The following SKI variants were observed in gnomAD, a reference collection of about 807,000 sequenced individuals.
SKI encodes ski oncogene.
SKI carries 23 observed loss-of-function variants against 59.3 expected under a neutral mutation model. The ratio of observed to expected loss-of-function variants is 0.39; its 90% CI spans 0.28 to 0.55. The LOEUF is 0.55. SKI is among the 20% of genes least tolerant of loss of function. The pLI, the probability that SKI is intolerant of heterozygous loss-of-function variation, is 0.67. For missense variants in SKI, 1,017 were observed against 1,038.9 expected (o/e 0.98, Z 0.29); for synonymous variants, 673 against 488.6 (o/e 1.38, Z -4.98).
At chr1:2,305,439 C>T (rs1315152342) in intron 5 of SKI, among the ~76,000 whole-genome samples, 6 of 152,064 alleles carry the variant, frequency 3.9e-5, no homozygotes, top group South Asian at 2.1e-4. Context: ...TGCCCTCCTG[C>T]GCGTGCCAGT....
At chr1:2,291,837 G>C (rs1319906388) in intron 1 of SKI, among the ~76,000 whole-genome samples, 1 of 152,218 alleles carries the variant, frequency 6.6e-6, no homozygotes, top group Non-Finnish European at 1.5e-5. Context: ...CAGCAAAGAT[G>C]ACCTACTTAA....
At chr1:2,234,268 G>T (rs1419498082) in intron 1 of SKI, among the ~76,000 whole-genome samples, 1 of 152,170 alleles carries the variant, frequency 6.6e-6, no homozygotes, top group Non-Finnish European at 1.5e-5. Flanking sequence ...GCCCCCAGGT[G>T]GCTTCTGCAG....
intron 1 of SKI, among the ~76,000 whole-genome samples, chr1:2,296,368 C>T (rs1640284643): frequency 6.6e-6 from 1 of 152,172 alleles, no homozygotes; most frequent in African/African-American, 2.4e-5. Context: ...TACACTCCAG[C>T]CTGGGTGACA....
intron 1 of SKI, among the ~76,000 whole-genome samples, chr1:2,275,462 G>A (rs925780913): frequency 1.3e-5 from 2 of 152,190 alleles, no homozygotes; most frequent in Non-Finnish European, 2.9e-5. Flanking sequence ...CTGAGACCCC[G>A]AGCCCTGGGG....
chr1:2,303,999 G>A lies in SKI; in HGVS notation c.1371G>A (p.Leu457=). 1 of 1,612,596 alleles carries A rather than the reference G, an allele frequency of 6.2e-7. No individual in the cohort carries two copies. The highest frequency in any genetic ancestry group is 8.5e-7 in the Non-Finnish European group (1 of 1,179,876). Residue 457 remains leucine (L), a synonymous_variant, in exon 4 of 7, where the codon CTG becomes CTA. Transcript: ENST00000378536. This position sits in a 1 kb window ranked among gnomAD's most constrained non-coding sequence, Gnocchi z 5.6. ...GCACCCAGCCTCGGAAGCGGAAGCT[G>A]ACTGTGGACACCCCAGGAGCCCCAG... ...ATCTQPRKRK[L]TVDTPGAPET...
In SKI at chr1:2,304,504, C is replaced by G; in HGVS notation, c.1686C>G (p.Phe562Leu). The G allele has an allele frequency of 6.3e-7, 1 of 1,581,908 alleles. No homozygotes were observed. The highest frequency in any genetic ancestry group is 1.2e-5 in the South Asian group (1 of 86,466). The stretch of plus-strand genomic sequence containing the variant: ...ACACCAAGGAAGCCAAAGAGAAGTT[C>G]CTGCATGAGGTGGTCAAGATGCGCG... ...GLDTKEAKEK[F>L]LHEVVKMRVK... Residue 562 changes from phenylalanine to leucine, a missense_variant, in exon 5 of 7, where the codon TTC becomes TTG. Transcript: ENST00000378536.
intron 1 of SKI, among the ~76,000 whole-genome samples, chr1:2,253,362 C>T (rs1370724589): frequency 1.3e-5 from 2 of 152,194 alleles, no homozygotes. Context: ...AGGTGGGAGG[C>T]TCCCCAGACT....
intron 1 of SKI, among the ~76,000 whole-genome samples, chr1:2,297,805 G>T (rs1640321226): frequency 1.3e-5 from 2 of 152,260 alleles, no homozygotes; most frequent in South Asian, 2.1e-4. Flanking sequence ...GGAGGCGTGG[G>T]CCCGCCCGGT....
rs1440416819 is a variant in SKI, at chr1:2,304,483, C to T, written c.1665C>T (p.Thr555=). The change falls in exon 5 of 7, where the codon ACC becomes ACT. Residue 555 remains threonine (T), a synonymous_variant. Coordinates refer to ENST00000378536, the MANE Select transcript of SKI (RefSeq NM_003036.4). ...AGGCACTGGAGGGCGGCCTGGACAC[C>T]AAGGAAGCCAAAGAGAAGTTCCTGC... The part of the protein sequence containing the change: ...LRQALEGGLD[T]KEAKEKFLHE... 6 of 1,577,668 alleles carry T rather than the reference C, an allele frequency of 3.8e-6. No individual in the cohort carries two copies. The highest frequency in any genetic ancestry group is 4.3e-6 in the Non-Finnish European group (5 of 1,163,358).
rs1006301164 is a variant in SKI at position 2,289,685 on chromosome 1, A to G, written c.970-13293A>G. Among the ~76,000 whole-genome samples the G allele has an allele frequency of 2.0e-5, 3 of 151,562 alleles. No individual in the cohort carries two copies. In the East Asian group the frequency reaches 5.9e-4, roughly 30 times the overall value. On this transcript the variant is annotated intron_variant, in intron 1 of 6. Transcript: ENST00000378536. ...GCTGTAGCGGCTCTCCCCTCCCCCG[A>G]GCCCACCGTGTGCTTCTTGTCCAGC...
Position 2,268,080 on chromosome 1 carries a change from A to C in SKI, c.970-34898A>C, listed in dbSNP as rs1376022144. ...GGGCACTCCCAACAGCACTGCGTGG[A>C]GCTGGTGCCCACCCCTGTGGTCAGA... On this transcript the variant is annotated intron_variant, in intron 1 of 6. Transcript: ENST00000378536. The surrounding 1 kb of genome is among the most constrained non-coding windows in gnomAD (Gnocchi z 5.0). Among the ~76,000 whole-genome samples the C allele has an allele frequency of 6.6e-6, 1 of 152,164 alleles. No individual in the cohort carries two copies. Among genetic ancestry groups the C allele is most frequent in the Non-Finnish European group, 1.5e-5 (1 of 68,006 alleles).
At chr1:2,287,292 C>T (rs1454376898) in intron 1 of SKI, among the ~76,000 whole-genome samples, 2 of 151,494 alleles carry the variant, frequency 1.3e-5, no homozygotes, top group Non-Finnish European at 2.9e-5. Context: ...AGAGTGTTGG[C>T]CTTGGACAGG....
At chr1:2,278,361 C>T (rs569781137) in intron 1 of SKI, among the ~76,000 whole-genome samples, 119 of 152,284 alleles carry the variant, frequency 7.8e-4, no homozygotes, top group African/African-American at 2.8e-3. Context: ...TGGGGGAGGA[C>T]GGCAGTCTGT....
intron 1 of SKI, among the ~76,000 whole-genome samples, chr1:2,238,830 T>C (rs1638805335): frequency 1.3e-5 from 2 of 152,198 alleles, no homozygotes; most frequent in Admixed American, 1.3e-4. Context: ...GAGGGAGGTA[T>C]TCCGTGTGCT....
At chr1:2,253,654 C>T (rs1182133353) in intron 1 of SKI, among the ~76,000 whole-genome samples, 2 of 152,206 alleles carry the variant, frequency 1.3e-5, no homozygotes, top group African/African-American at 4.8e-5. Context: ...AGCCACATGC[C>T]CCCAGTTCTG....
chr1:2,272,888 C>T (rs545895511), intron 1 of SKI, among the ~76,000 whole-genome samples: 25 of 152,182 alleles, frequency 1.6e-4, no homozygotes, highest in Non-Finnish European at 3.1e-4. Flanking sequence ...CCCCGAGGCT[C>T]GCTGGCGTCT....
At chr1:2,233,019 A>G (rs1309205015) in intron 1 of SKI, among the ~76,000 whole-genome samples, 1 of 152,156 alleles carries the variant, frequency 6.6e-6, no homozygotes, top group Non-Finnish European at 1.5e-5. Context: ...CAGTATAGAC[A>G]GCTGTCAGAG....
chr1:2,303,247 T>C lies in SKI; in HGVS notation c.1096-38T>C, dbSNP rs1640472214. On this transcript the variant is annotated intron_variant, in intron 2 of 6. Coordinates refer to ENST00000378536, the MANE Select transcript of SKI (RefSeq NM_003036.4). This position sits in a 1 kb window ranked among gnomAD's most constrained non-coding sequence, Gnocchi z 5.6. ...TCAGGGACATGAAGTGGCTTGTTTTTCTCCTGGTCACTCACACAGACAACT... is the reference window on the plus strand; with the variant it reads ...TCAGGGACATGAAGTGGCTTGTTTTCCTCCTGGTCACTCACACAGACAACT... 17 of 1,608,590 alleles carry C rather than the reference T, an allele frequency of 1.1e-5. No homozygotes were observed. Among genetic ancestry groups the C allele is most frequent in the Non-Finnish European group, 1.4e-5 (17 of 1,176,544 alleles).
Position 2,306,970 on chromosome 1 carries a change from G to A in SKI, c.*205G>A, listed in dbSNP as rs985806640. The A allele has an allele frequency of 3.0e-6, 1 of 331,924 alleles. No homozygotes were observed. The highest frequency in any genetic ancestry group is 5.4e-6 in the Non-Finnish European group (1 of 184,926). 20.6% of individuals were successfully genotyped at this position (331,924 alleles called of 1,614,324 possible). A position where few individuals can be genotyped will look rare whatever the true frequency, so the allele number is the denominator to read the frequency against. On this transcript the variant is annotated 3_prime_UTR_variant, in exon 7 of 7. Coordinates refer to ENST00000378536, the MANE Select transcript of SKI (RefSeq NM_003036.4). ...GGCCAAGTTCAAGTGAGTAAGCCGCGTCCCCCAACTACAGCTGGAGACGGG... is the reference window on the plus strand; with the variant it reads ...GGCCAAGTTCAAGTGAGTAAGCCGCATCCCCCAACTACAGCTGGAGACGGG...
Sources: gnomAD v4.1 joint callset for allele counts (sites outside exome capture counted in the v4.1 genomes callset) on GRCh38, gnomAD v4.1.1 for gene constraint, Gnocchi (gnomAD v3.1) non-coding constraint, MANE v1.5 for transcripts, NCBI Gene and HGNC (gene_info 2026-07-23, HGNC 2026-07-21) for gene names.